The following KIAA0040 variants were observed in gnomAD, a reference collection of about 807,000 sequenced individuals.
The protein encoded by KIAA0040 is uncharacterized protein KIAA0040.
KIAA0040 carries 10 observed loss-of-function variants against 7.2 expected under a neutral mutation model. That is an observed-to-expected ratio of 1.38 (90% CI 0.85 to 2.34). The LOEUF is 2.34. Among genes scored for constraint, KIAA0040 ranks in the 30% most tolerant of loss-of-function variants. The pLI is 0.00. For missense variants in KIAA0040, 89 were observed against 108.2 expected (o/e 0.82, Z 0.79); for synonymous variants, 49 against 40.1 (o/e 1.22, Z -0.84).
intron 1 of KIAA0040, among the ~76,000 whole-genome samples, chr1:175,187,568 T>C (rs1320915050): frequency 2.5e-4 from 38 of 152,222 alleles, no homozygotes; most frequent in Admixed American, 2.5e-3. Context: ...CAAGAAGCTC[T>C]TGACTCAGAG....
At chr1:175,165,559 T>C (rs2101880622) in intron 3 of KIAA0040, among the ~76,000 whole-genome samples, 1 of 152,342 alleles carries the variant, frequency 6.6e-6, no homozygotes, top group African/African-American at 2.4e-5. Context: ...CCTAATATGG[T>C]TGGTCTGTAG....
At chr1:175,178,136 A>C (rs1426520549) in intron 1 of KIAA0040, among the ~76,000 whole-genome samples, 1 of 152,134 alleles carries the variant, frequency 6.6e-6, no homozygotes, top group Non-Finnish European at 1.5e-5. Flanking sequence ...CCCTTCACCT[A>C]CTTGTGTAGT....
chr1:175,170,043 A>G (rs1676924753), intron 2 of KIAA0040, among the ~76,000 whole-genome samples: 1 of 152,182 alleles, frequency 6.6e-6, no homozygotes, highest in Non-Finnish European at 1.5e-5. Context: ...TAGTGCAATA[A>G]AGGAAATAAT....
At chr1:175,178,994 G>C (rs1451289660) in intron 1 of KIAA0040, among the ~76,000 whole-genome samples, 6 of 151,548 alleles carry the variant, frequency 4.0e-5, no homozygotes, top group Non-Finnish European at 8.8e-5. Context: ...TCATGGAGGA[G>C]ATAGAGGCTG....
intron 2 of KIAA0040, among the ~76,000 whole-genome samples, chr1:175,172,834 G>C (rs1677040257): frequency 6.6e-6 from 1 of 152,240 alleles, no homozygotes; most frequent in Non-Finnish European, 1.5e-5. Context: ...GAGTAAATGA[G>C]ATAATGTGTG....
chr1:175,181,063 G>C (rs1489983716), intron 1 of KIAA0040, among the ~76,000 whole-genome samples: 5 of 151,580 alleles, frequency 3.3e-5, no homozygotes, highest in Non-Finnish European at 7.4e-5. Flanking sequence ...TGTTGCCCAG[G>C]CTGGTCTTGA....
intron 3 of KIAA0040, among the ~76,000 whole-genome samples, chr1:175,164,659 A>C (rs957384649): frequency 5.3e-5 from 8 of 152,216 alleles, no homozygotes; most frequent in African/African-American, 1.9e-4. Context: ...ACAGCCAAAG[A>C]GTATTCATTA....
rs370011616 is a variant in KIAA0040 at position 175,160,426 on chromosome 1, T to C, written c.*288A>G. ...TTGAGATGTATGGATAAATGTTCTT[T>C]GTGCTTTGCATGTGGGGTATGCCAG... On this transcript the variant is annotated 3_prime_UTR_variant, in exon 4 of 4. Transcript: ENST00000423313. The C allele has an allele frequency of 1.3e-5, 5 of 398,032 alleles. No individual in the cohort carries two copies. 24.7% of individuals were successfully genotyped at this position (398,032 alleles called of 1,614,324 possible). A position where few individuals can be genotyped will look rare whatever the true frequency, so the allele number is the denominator to read the frequency against.
chr1:175,186,186 A>G (rs776516472), intron 1 of KIAA0040, among the ~76,000 whole-genome samples: 1 of 152,256 alleles, frequency 6.6e-6, no homozygotes, highest in Non-Finnish European at 1.5e-5. Context: ...AATTTTATGT[A>G]ACATAAATTT....
At chr1:175,191,990 TATC>T (rs1571223947) in intron 1 of KIAA0040, among the ~76,000 whole-genome samples, 1 of 152,354 alleles carries the variant, frequency 6.6e-6, no homozygotes, top group East Asian at 1.9e-4. Context: ...TTAACTCTAT[TATC>T]ATATGATGAA....
At chr1:175,186,490 G>T (rs1014890247) in intron 1 of KIAA0040, among the ~76,000 whole-genome samples, 2 of 152,150 alleles carry the variant, frequency 1.3e-5, no homozygotes, top group Non-Finnish European at 2.9e-5. Context: ...AGGAGCATCC[G>T]AACTTCTTCC....
chr1:175,191,444 G>A (rs370312232), intron 1 of KIAA0040, among the ~76,000 whole-genome samples: 1 of 152,224 alleles, frequency 6.6e-6, no homozygotes, highest in Non-Finnish European at 1.5e-5. Context: ...CAGAGAGGCA[G>A]AATTTCAGAC....
intron 3 of KIAA0040, among the ~76,000 whole-genome samples, chr1:175,166,204 G>A (rs935114646): frequency 2.6e-5 from 4 of 152,148 alleles, no homozygotes; most frequent in African/African-American, 9.7e-5. Flanking sequence ...TTGGGCCTTT[G>A]CTCAAACAGC....
chr1:175,190,388 C>A (rs559912700), intron 1 of KIAA0040, among the ~76,000 whole-genome samples: 1 of 152,346 alleles, frequency 6.6e-6, no homozygotes, highest in African/African-American at 2.4e-5. Context: ...CTTCCACCTC[C>A]ACCTATGTTC....
chr1:175,180,851 A>G (rs1677413481), intron 1 of KIAA0040, among the ~76,000 whole-genome samples: 1 of 152,108 alleles, frequency 6.6e-6, no homozygotes, highest in Non-Finnish European at 1.5e-5. Context: ...GGTGTTCTTG[A>G]TTTTTAATTT....
In KIAA0040 at chr1:175,158,708, G is replaced by C. The variant is rs910832997; in HGVS notation, c.*2006C>G. 1.3e-5 allele frequency: 2 copies of C among 152,298 alleles called. No individual in the cohort carries two copies. The highest frequency in any genetic ancestry group is 6.5e-5 in the Admixed American group (1 of 15,288). 9.4% of individuals were successfully genotyped at this position (152,298 alleles called of 1,614,324 possible). ...TATGTGACAAGGGGATAGAGAACCA[G>C]AGTGCTTCTTTCTCTGGTCAAAGGG... On this transcript the variant is annotated 3_prime_UTR_variant, in exon 4 of 4. Coordinates refer to ENST00000423313, the MANE Select transcript of KIAA0040 (RefSeq NM_014656.3).
chr1:175,178,347 C>T (rs867758146), intron 1 of KIAA0040, among the ~76,000 whole-genome samples: 9 of 152,194 alleles, frequency 5.9e-5, no homozygotes, highest in Admixed American at 1.3e-4. Flanking sequence ...TTTTCTTGGC[C>T]TCTGGGGCTG....
At chr1:175,185,922 A>G (rs1182201626) in intron 1 of KIAA0040, among the ~76,000 whole-genome samples, 1 of 152,392 alleles carries the variant, frequency 6.6e-6, no homozygotes, top group Non-Finnish European at 1.5e-5. Flanking sequence ...TTAAGTGGAA[A>G]AGGCCAGTAG....
At chr1:175,167,589 G>C (rs1258537236) in intron 2 of KIAA0040, among the ~76,000 whole-genome samples, 1 of 152,130 alleles carries the variant, frequency 6.6e-6, no homozygotes, top group African/African-American at 2.4e-5. Context: ...AGCAAGGAGG[G>C]GACATAATTG....
Sources: gnomAD v4.1 joint callset for allele counts (sites outside exome capture counted in the v4.1 genomes callset) on GRCh38, gnomAD v4.1.1 for gene constraint, MANE v1.5 for transcripts, NCBI Gene and HGNC (gene_info 2026-07-23, HGNC 2026-07-21) for gene names.